The following PPP1R2 variants were observed in gnomAD, a reference collection of about 807,000 sequenced individuals.
The protein encoded by PPP1R2 is protein phosphatase 1 regulatory inhibitor subunit 2.
A neutral mutation model predicts 29.9 loss-of-function variants in PPP1R2; 16 were observed. The observed-to-expected ratio is 0.53, with a 90% confidence interval of 0.36 to 0.81. The LOEUF (loss-of-function observed/expected upper bound fraction) is 0.81, where lower values mean the gene tolerates loss of function less well. Among genes scored for constraint, PPP1R2 ranks in the 30% least tolerant of loss-of-function variants. The probability of loss-of-function intolerance (pLI) is 0.00; values close to 1 mark genes in which losing one functional copy is unlikely to be tolerated. For missense variants in PPP1R2, 197 were observed against 252.7 expected, an observed-to-expected ratio of 0.78 and a Z score of 1.49; for synonymous variants, 76 against 91.5, an observed-to-expected ratio of 0.83 and a Z score of 0.96.
At chr3:195,517,422 A>T (rs1305005074) in intron 5 of PPP1R2, among the ~76,000 whole-genome samples, 2 of 152,126 alleles carry the variant, frequency 1.3e-5, no homozygotes, top group African/African-American at 4.8e-5. Context: ...TTAAGGGCCC[A>T]AAAAGGGTAG....
At position 195,515,404 on chromosome 3, in the gene PPP1R2, C is replaced by G. The variant is rs1718508954; in HGVS notation, c.*1492G>C. The G allele has an allele frequency of 6.6e-6, 1 of 152,598 alleles. No homozygotes were observed. Among genetic ancestry groups the G allele is most frequent in the Admixed American group, 6.5e-5 (1 of 15,268 alleles). The allele number at this position is 152,598 out of a possible 1,614,324, so 9.5% of individuals were successfully genotyped here. On this transcript the variant is annotated 3_prime_UTR_variant, in exon 6 of 6. Transcript: ENST00000618156. ...AAGCTGTTCAATAAAAGCCTTCTTT[C>G]ATATATGTATCTATATATAAAATAT... is the stretch of plus-strand genomic sequence containing the variant.
At chr3:195,530,782 C>T (rs564283756) in intron 1 of PPP1R2, among the ~76,000 whole-genome samples, 1 of 150,532 alleles carries the variant, frequency 6.6e-6, no homozygotes, top group African/African-American at 2.4e-5. Context: ...CCTTGGCCTC[C>T]CAAAGTGCTG....
rs1718528742 is a variant in PPP1R2 at position 195,515,967 on chromosome 3, ACATAGCAG to A, written c.*921_*928del. On this transcript the variant is annotated 3_prime_UTR_variant, in exon 6 of 6. Coordinates refer to ENST00000618156, the MANE Select transcript of PPP1R2 (RefSeq NM_006241.8). ...ATTGATGGTCAAAATAAGAATTTCA[ACATAGCAG>A]CAAATGACAGAAGAGTGAGAGAAAG... The A allele has an allele frequency of 6.6e-6, 1 of 152,152 alleles. No homozygotes were observed. 9.4% of individuals were successfully genotyped at this position (152,152 alleles called of 1,614,324 possible).
intron 3 of PPP1R2, among the ~76,000 whole-genome samples, chr3:195,524,499 T>A (rs1718887308): frequency 6.6e-6 from 1 of 152,200 alleles, no homozygotes; most frequent in Non-Finnish European, 1.5e-5. Context: ...CACTCCACCC[T>A]GAATGACAGA....
intron 1 of PPP1R2, among the ~76,000 whole-genome samples, chr3:195,538,574 T>G (rs1277056104): frequency 2.0e-5 from 3 of 152,192 alleles, no homozygotes; most frequent in African/African-American, 2.4e-5. Context: ...CACATCCCTT[T>G]ATAGGCAGAA....
At position 195,524,860 on chromosome 3, in the gene PPP1R2, G is replaced by T. The variant is rs142509054; in HGVS notation, c.267C>A (p.Thr89=). 156 of 1,613,848 alleles carry T rather than the reference G, an allele frequency of 9.7e-5. No individual in the cohort carries two copies. Among genetic ancestry groups the T allele is most frequent in the Non-Finnish European group, 1.2e-4 (146 of 1,179,980 alleles). Residue 89 remains threonine (T), a synonymous_variant, in exon 3 of 6, where the codon ACC becomes ACA. Transcript: ENST00000618156. ...CTGGCGCCATGGCTTCAGTGGCCTC[G>T]GTGTCACTACAGGCATCTTCATCAT... The part of the protein sequence containing the change: ...MGDDEDACSD[T]EATEAMAPDI...
rs1718555238 is a variant in PPP1R2, at chr3:195,516,585, T to A, written c.*311A>T. The stretch of plus-strand genomic sequence containing the variant: ...ATTAGTTCCCCCCCAAAGATATTGT[T>A]TAACTTCTAAAGCATAAAAAGCTCT... On this transcript the variant is annotated 3_prime_UTR_variant, in exon 6 of 6. Coordinates refer to ENST00000618156, the MANE Select transcript of PPP1R2 (RefSeq NM_006241.8). 3.8e-6 allele frequency: 1 copy of A among 265,896 alleles called. No homozygotes were observed. The highest frequency in any genetic ancestry group is 7.1e-6 in the Non-Finnish European group (1 of 140,762). 16.5% of individuals were successfully genotyped at this position (265,896 alleles called of 1,614,324 possible).
intron 1 of PPP1R2, among the ~76,000 whole-genome samples, chr3:195,540,977 C>T (rs1252321266): frequency 6.6e-6 from 1 of 152,184 alleles, no homozygotes; most frequent in Non-Finnish European, 1.5e-5. Context: ...AAAACCCATC[C>T]TTTTTACCAC....
At chr3:195,535,431 C>CA (rs1719341710) in intron 1 of PPP1R2, among the ~76,000 whole-genome samples, 1 of 152,198 alleles carries the variant, frequency 6.6e-6, no homozygotes, top group South Asian at 2.1e-4. Flanking sequence ...TGTCAAGTCT[C>CA]AAACAATGAA....
chr3:195,540,313 G>A (rs1000266053), intron 1 of PPP1R2, among the ~76,000 whole-genome samples: 7 of 152,052 alleles, frequency 4.6e-5, no homozygotes, highest in Non-Finnish European at 7.4e-5. Flanking sequence ...TGTCCTTTTC[G>A]TGGCCTATTT....
intron 1 of PPP1R2, among the ~76,000 whole-genome samples, chr3:195,536,292 T>C (rs1313407890): frequency 8.3e-5 from 6 of 72,528 alleles, no homozygotes; most frequent in Non-Finnish European, 1.3e-4. Context: ...GACCCTGTCT[T>C]TAAAAAAAAA....
intron 2 of PPP1R2, chr3:195,528,051 G>GT: frequency 3.2e-6 from 1 of 307,756 alleles, no homozygotes; most frequent in Non-Finnish European, 6.3e-6. Flanking sequence ...GGTTACACAG[G>GT]TAAGTTCTTC....
intron 4 of PPP1R2, among the ~76,000 whole-genome samples, chr3:195,523,380 G>A (rs1381477890): frequency 2.0e-5 from 3 of 152,140 alleles, no homozygotes; most frequent in East Asian, 3.8e-4. Context: ...CCGTCCAAAC[G>A]CTCAATGACT....
At chr3:195,530,616 T>C (rs1237093017) in intron 1 of PPP1R2, among the ~76,000 whole-genome samples, 1 of 150,092 alleles carries the variant, frequency 6.7e-6, no homozygotes, top group Non-Finnish European at 1.5e-5. Flanking sequence ...ACTTCCACCT[T>C]CCCTGTTCAT....
Position 195,516,244 on chromosome 3 carries a change from T to C in PPP1R2, c.*652A>G, listed in dbSNP as rs758577798. 7 of 152,504 alleles carry C rather than the reference T, an allele frequency of 4.6e-5. No homozygotes were observed. The highest frequency in any genetic ancestry group is 7.2e-5 in the African/African-American group (3 of 41,420). The allele number at this position is 152,504 out of a possible 1,614,324, so 9.4% of individuals were successfully genotyped here. A position where few individuals can be genotyped will look rare whatever the true frequency, so the allele number is the denominator to read the frequency against. On this transcript the variant is annotated 3_prime_UTR_variant, in exon 6 of 6. Coordinates refer to ENST00000618156, the MANE Select transcript of PPP1R2 (RefSeq NM_006241.8). ...CCAAAAACAAAAAACAGAGCAGACA[T>C]TGGTGAAAGTTTAACCTGATAATTT...
chr3:195,534,128 A>G (rs1401428591), intron 1 of PPP1R2, among the ~76,000 whole-genome samples: 3 of 152,072 alleles, frequency 2.0e-5, no homozygotes, highest in African/African-American at 7.2e-5. Flanking sequence ...CAGCTTGGGC[A>G]ACCATAGTGA....
Position 195,523,718 on chromosome 3 carries a change from T to C in PPP1R2, c.377A>G (p.Asp126Gly). Residue 126 changes from aspartate to glycine, a missense_variant, in exon 4 of 6, where the codon GAT (aspartate) becomes GGT (glycine). Coordinates refer to ENST00000618156, the MANE Select transcript of PPP1R2 (RefSeq NM_006241.8). ...IQEQESSGEE[D>G]SDLSPEEREK... ...TCGTTCTTCAGGTGAGAGGTCACTA[T>C]CCTCCTCTCCACTGCTTTCTTGTTC... 6.2e-7 allele frequency: 1 copy of C among 1,613,954 alleles called. No individual in the cohort carries two copies. The highest frequency in any genetic ancestry group is 8.5e-7 in the Non-Finnish European group (1 of 1,179,846).
intron 1 of PPP1R2, among the ~76,000 whole-genome samples, chr3:195,530,975 A>G (rs985464693): frequency 6.6e-6 from 1 of 151,300 alleles, no homozygotes; most frequent in Non-Finnish European, 1.5e-5. Context: ...GGTGTCTGCC[A>G]CCACACCTGG....
intron 1 of PPP1R2, among the ~76,000 whole-genome samples, chr3:195,540,562 G>A (rs1426918588): frequency 6.6e-6 from 1 of 152,228 alleles, no homozygotes; most frequent in Non-Finnish European, 1.5e-5. Flanking sequence ...CAATGTGGCA[G>A]TGTGGAGAGG....
Sources: allele counts gnomAD v4.1 joint callset (sites outside exome capture counted in the v4.1 genomes callset), GRCh38; gene constraint gnomAD v4.1.1; transcripts MANE v1.5; gene names NCBI Gene and HGNC (gene_info 2026-07-23, HGNC 2026-07-21).